The following FMN1 variants were observed in gnomAD, a reference collection of about 807,000 sequenced individuals.
FMN1 encodes the protein formin 1.
Under a neutral mutation model 132.4 loss-of-function variants are expected in FMN1, and 110 were observed. The ratio of observed to expected loss-of-function variants is 0.83; its 90% CI spans 0.71 to 0.97. The LOEUF is 0.97. Among genes scored for constraint, FMN1 ranks in the 50% least tolerant of loss-of-function variants. The pLI is 0.00. For synonymous variants in FMN1, 722 were observed against 651.7 expected (o/e 1.11, Z -1.64); for missense variants, 1,792 against 1,705.3 (o/e 1.05, Z -0.90).
chr15:32,981,307 A>G (rs964013189), intron 7 of FMN1, among the ~76,000 whole-genome samples: 1 of 151,774 alleles, frequency 6.6e-6, no homozygotes, highest in Non-Finnish European at 1.5e-5. Flanking sequence ...CTGGTTAATA[A>G]GGTGAAACTG....
Position 32,819,629 on chromosome 15 carries a change from C to T in FMN1, c.3929-15297G>A, listed in dbSNP as rs147072841. Among the ~76,000 whole-genome samples, 421 of 152,048 alleles carry T rather than the reference C, an allele frequency of 2.8e-3. 2 individuals carry two copies. The highest frequency in any genetic ancestry group is 9.8e-3 in the African/African-American group (408 of 41,436). On this transcript the variant is annotated intron_variant, in intron 17 of 20. Coordinates refer to ENST00000616417, the MANE Select transcript of FMN1 (RefSeq NM_001277313.2). ...TGTTTCTTTGCTAGCTTTGTTCCTT[C>T]CCACAAAAAAATTTAAAGACGTTTC...
At chr15:32,946,979 G>A (rs938396767) in intron 9 of FMN1, among the ~76,000 whole-genome samples, 2 of 152,096 alleles carry the variant, frequency 1.3e-5, no homozygotes, top group South Asian at 4.2e-4. Flanking sequence ...TATTACAAAT[G>A]TCTTCAAGCA....
intron 19 of FMN1, 133 bp downstream of exon 19, chr15:32,798,671 A>T (rs2057374392): frequency 1.3e-6 from 1 of 781,594 alleles, no homozygotes; most frequent in African/African-American, 1.8e-5. Context: ...CTGAGGCAAA[A>T]AGTCCTTCCC....
chr15:33,140,495 C>T lies in FMN1; in HGVS notation c.1867+12553G>A, dbSNP rs566530841. 5.3e-5 allele frequency among the ~76,000 whole-genome samples: 8 copies of T among 152,294 alleles called. No homozygotes were observed. In the South Asian group the frequency reaches 6.2e-4, roughly 12 times the overall value. On this transcript the variant is annotated intron_variant, in intron 4 of 20. Transcript: ENST00000616417. ...GATTCCCCCATCCGATGTTGATTCA[C>T]GACTCAGGTATCAGACACTACGATC...
At chr15:33,023,920 T>C (rs1038213224) in intron 6 of FMN1, among the ~76,000 whole-genome samples, 3 of 152,166 alleles carry the variant, frequency 2.0e-5, no homozygotes, top group African/African-American at 7.2e-5. Flanking sequence ...GATTCAGCTA[T>C]ATTAAAATAT....
At chr15:32,871,121 G>A (rs1404430363) in intron 16 of FMN1, among the ~76,000 whole-genome samples, 1 of 152,132 alleles carries the variant, frequency 6.6e-6, no homozygotes, top group Admixed American at 6.5e-5. Context: ...AAGGGGAAGG[G>A]AACTCATCTT....
At chr15:32,803,190 C>T (rs2057539034) in intron 18 of FMN1, among the ~76,000 whole-genome samples, 1 of 152,210 alleles carries the variant, frequency 6.6e-6, no homozygotes, top group Non-Finnish European at 1.5e-5. Context: ...AACTGTTCCT[C>T]TCACACATTT....
rs371197583 is a variant in FMN1 at position 32,910,512 on chromosome 15, C to T, written c.3250G>A (p.Val1084Met). ...GCTGCCAGGGTCTCCAGATCAACCACGGAGTCATCCACATTGAAAATGGCT... is the reference window on the plus strand; with the variant it reads ...GCTGCCAGGGTCTCCAGATCAACCATGGAGTCATCCACATTGAAAATGGCT... ...QQAIFNVDDS[V>M]VDLETLAALY... Residue 1084 changes from valine to methionine, a missense_variant, in exon 11 of 21, where the codon GTG becomes ATG. Coordinates refer to ENST00000616417, the MANE Select transcript of FMN1 (RefSeq NM_001277313.2). The T allele has an allele frequency of 5.1e-5, 80 of 1,577,606 alleles. No individual in the cohort carries two copies. The African/African-American group carries it at 7.8e-4, about 15-fold the overall frequency.
chr15:33,012,674 C>T, intron 6 of FMN1: 1 of 833,438 alleles, frequency 1.2e-6, no homozygotes, highest in East Asian at 2.4e-5. Context: ...CAAGAGATGG[C>T]TAGTGCTTCA....
At chr15:33,042,187 A>G (rs1477772757) in intron 6 of FMN1, among the ~76,000 whole-genome samples, 1 of 152,192 alleles carries the variant, frequency 6.6e-6, no homozygotes, top group Non-Finnish European at 1.5e-5. Context: ...TCAAATATCC[A>G]GAAATAAATC....
chr15:32,964,285 A>G (rs558984186), intron 8 of FMN1, 28 bp from the exon 9 acceptor site: 2 of 1,514,792 alleles, frequency 1.3e-6, no homozygotes, highest in Non-Finnish European at 1.8e-6. Flanking sequence ...CAAGTTAACC[A>G]TAAGAACCAA....
intron 9 of FMN1, among the ~76,000 whole-genome samples, chr15:32,931,930 A>G (rs979722497): frequency 3.3e-5 from 5 of 152,196 alleles, no homozygotes; most frequent in African/African-American, 1.2e-4. Flanking sequence ...TTTTATCAGA[A>G]AACAGTGTTG....
intron 10 of FMN1, among the ~76,000 whole-genome samples, chr15:32,913,539 G>A (rs2060614206): frequency 6.6e-6 from 1 of 152,090 alleles, no homozygotes; most frequent in African/African-American, 2.4e-5. Context: ...TCCTGAACAT[G>A]CCATGGCTTC....
At chr15:32,823,828 C>G (rs1199301966) in intron 17 of FMN1, among the ~76,000 whole-genome samples, 1 of 152,166 alleles carries the variant, frequency 6.6e-6, no homozygotes. Flanking sequence ...GTCCAGAATG[C>G]TTCGTGGGTA....
At chr15:33,140,932 A>G (rs139423101) in intron 4 of FMN1, among the ~76,000 whole-genome samples, 2 of 152,358 alleles carry the variant, frequency 1.3e-5, no homozygotes, top group African/African-American at 4.8e-5. Flanking sequence ...ATATTCTTAT[A>G]TACTGAATTC....
At chr15:32,915,735 A>G (rs929773433) in intron 10 of FMN1, among the ~76,000 whole-genome samples, 2 of 152,212 alleles carry the variant, frequency 1.3e-5, no homozygotes, top group Non-Finnish European at 2.9e-5. Flanking sequence ...TCAAGTCCAC[A>G]AAGGGGAGAC....
chr15:32,967,259 G>A (rs1472540094), intron 8 of FMN1, among the ~76,000 whole-genome samples: 1 of 152,182 alleles, frequency 6.6e-6, no homozygotes, highest in Non-Finnish European at 1.5e-5. Context: ...ATCTCCCAGT[G>A]GGACTCTTTG....
intron 7 of FMN1, among the ~76,000 whole-genome samples, chr15:33,000,908 G>A (rs1163295845): frequency 6.6e-6 from 1 of 152,150 alleles, no homozygotes. Flanking sequence ...TCTGTCTTGG[G>A]AAAAGCTAGT....
At chr15:32,824,924 T>C (rs2058326011) in intron 17 of FMN1, among the ~76,000 whole-genome samples, 1 of 152,224 alleles carries the variant, frequency 6.6e-6, no homozygotes, top group South Asian at 2.1e-4. Flanking sequence ...AATTATTCCC[T>C]GAATTGTCTA....
Sources: allele counts gnomAD v4.1 joint callset (sites outside exome capture counted in the v4.1 genomes callset), GRCh38; gene constraint gnomAD v4.1.1; transcripts MANE v1.5; gene names NCBI Gene and HGNC (gene_info 2026-07-23, HGNC 2026-07-21).